ALDH5A1: variants seen among roughly 807,000 people sequenced by gnomAD.
ALDH5A1 encodes succinate-semialdehyde dehydrogenase, mitochondrial.
ALDH5A1 carries 33 observed loss-of-function variants against 54.7 expected under a neutral mutation model. That is an observed-to-expected ratio of 0.60 (90% CI 0.46 to 0.81). The LOEUF (loss-of-function observed/expected upper bound fraction) is 0.81, where lower values mean the gene tolerates loss of function less well. Among genes scored for constraint, ALDH5A1 ranks in the 30% least tolerant of loss-of-function variants. ALDH5A1 has a pLI of 0.00. For synonymous variants in ALDH5A1, 294 were observed against 292.7 expected (o/e 1.00, Z -0.05); for missense variants, 657 against 711.0 (o/e 0.92, Z 0.86).
rs1161265396 is a variant in ALDH5A1 at position 24,535,063 on chromosome 6, T to G, written c.*1351T>G. ...AATCTTAAACAGATGCAAATCCAATTAGGCGGCCAAGTAGGTGGAGACGAA... is the reference window on the plus strand; with the variant it reads ...AATCTTAAACAGATGCAAATCCAATGAGGCGGCCAAGTAGGTGGAGACGAA... On this transcript the variant is annotated 3_prime_UTR_variant, in exon 10 of 10. Transcript: ENST00000357578. 6.6e-6 allele frequency: 1 copy of G among 152,218 alleles called. No homozygotes were observed. The highest frequency in any genetic ancestry group is 2.4e-5 in the African/African-American group (1 of 41,460). 9.4% of individuals were successfully genotyped at this position (152,218 alleles called of 1,614,324 possible). A position where few individuals can be genotyped will look rare whatever the true frequency, so the allele number is the denominator to read the frequency against.
At chr6:24,503,152 T>C in intron 2 of ALDH5A1, 111 bp from the exon 3 acceptor site, 1 of 1,331,516 alleles carries the variant, frequency 7.5e-7, no homozygotes, top group Non-Finnish European at 1.0e-6. Context: ...TCTATGGGTA[T>C]CGTTATAGGA....
intron 8 of ALDH5A1, among the ~76,000 whole-genome samples, chr6:24,529,670 G>GTTTTTTTTTTTTTTTTTT (rs55878931): frequency 1.2e-5 from 1 of 86,328 alleles, no homozygotes; most frequent in Non-Finnish European, 2.1e-5. Flanking sequence ...TTTGGTTTGG[G>GTTTTTTTTTTTTTTTTTT]TTTTTTTTTT....
rs561596822 is a variant in ALDH5A1 at position 24,507,795 on chromosome 6, A to G, written c.726+2810A>G. On this transcript the variant is annotated intron_variant, in intron 4 of 9. Transcript: ENST00000357578. ...ATTTTATTTTTATTTTTTAATTTTTATTTCCATAGGTTATTGGGGAACAGG... is the reference window on the plus strand; with the variant it reads ...ATTTTATTTTTATTTTTTAATTTTTGTTTCCATAGGTTATTGGGGAACAGG... 2.6e-4 allele frequency among the ~76,000 whole-genome samples: 39 copies of G among 151,710 alleles called. No individual in the cohort carries two copies. In the South Asian group the frequency reaches 7.1e-3, roughly 27 times the overall value.
intron 4 of ALDH5A1, among the ~76,000 whole-genome samples, chr6:24,510,040 C>T (rs1374256746): frequency 1.3e-5 from 2 of 152,040 alleles, no homozygotes; most frequent in African/African-American, 4.8e-5. Context: ...TTTTAATTTC[C>T]ATCTTGATTC....
In ALDH5A1 at chr6:24,535,422, A is replaced by G. The variant is rs1387719815; in HGVS notation, c.*1710A>G. Reference sequence around the variant, plus strand: ...AGAATCACATACTCAGCATTTTGACAGTTAATGTCTTCTCTTTATTTGTGT... The same window carrying G: ...AGAATCACATACTCAGCATTTTGACGGTTAATGTCTTCTCTTTATTTGTGT... On this transcript the variant is annotated 3_prime_UTR_variant, in exon 10 of 10. Transcript: ENST00000357578. The G allele has an allele frequency of 6.6e-6, 1 of 152,206 alleles. No homozygotes were observed. The highest frequency in any genetic ancestry group is 2.4e-5 in the African/African-American group (1 of 41,452). 9.4% of individuals were successfully genotyped at this position (152,206 alleles called of 1,614,324 possible). A position where few individuals can be genotyped will look rare whatever the true frequency, so the allele number is the denominator to read the frequency against.
At chr6:24,531,996 G>A (rs1028054415) in intron 8 of ALDH5A1, 123 bp from the exon 9 acceptor site, 9 of 877,448 alleles carry the variant, frequency 1.0e-5, no homozygotes, top group Non-Finnish European at 1.7e-5. Flanking sequence ...TCTGCTCTTG[G>A]ATCTCTTTGC....
intron 8 of ALDH5A1, among the ~76,000 whole-genome samples, chr6:24,530,735 C>T (rs529984599): frequency 3.3e-5 from 5 of 152,356 alleles, no homozygotes; most frequent in African/African-American, 1.2e-4. Flanking sequence ...TTGCCATTGC[C>T]TACACTTGTT....
Position 24,528,014 on chromosome 6 carries a change from T to G in ALDH5A1, c.1191T>G (p.Asn397Lys), listed in dbSNP as rs923140210. Residue 397 changes from asparagine (N) to lysine (K), a missense_variant, in exon 8 of 10, where the codon AAT becomes AAG. Asn to Lys is a moderately conservative substitution (Grantham distance 94). Transcript: ENST00000357578. Reference sequence around the variant, plus strand: ...TTACACAGGTGGAGAAACAGGTGAATGATGCCGTTTCTAAAGGTGCCACCG... The same window carrying G: ...TTACACAGGTGGAGAAACAGGTGAAGGATGCCGTTTCTAAAGGTGCCACCG... ...KAVEKVEKQVNDAVSKGATVV... is the reference protein window; with the variant it reads ...KAVEKVEKQVKDAVSKGATVV... The G allele has an allele frequency of 9.3e-6, 15 of 1,614,016 alleles. No homozygotes were observed. The highest frequency in any genetic ancestry group is 1.2e-5 in the Non-Finnish European group (14 of 1,179,976).
intron 1 of ALDH5A1, among the ~76,000 whole-genome samples, chr6:24,497,341 T>C (rs1478658685): frequency 6.8e-6 from 1 of 147,194 alleles, no homozygotes; most frequent in Non-Finnish European, 1.5e-5. Flanking sequence ...GAGCGCTGAT[T>C]GGTGCATTTT....
rs548353183 is a variant in ALDH5A1 at position 24,525,608 on chromosome 6, G to A, written c.1174-2389G>A. On this transcript the variant is annotated intron_variant, in intron 7 of 9. Transcript: ENST00000357578. ...CTGTAGTCCCAGCTACTCAGGAGGC[G>A]GGGGCAAGAGAATCTCTTGAACCCA... Among the ~76,000 whole-genome samples, 33 of 152,046 alleles carry A rather than the reference G, an allele frequency of 2.2e-4. 1 individual carries two copies. Among genetic ancestry groups the A allele is most frequent in the African/African-American group, 7.0e-4 (29 of 41,472 alleles).
chr6:24,521,317 C>T (rs370212422), intron 6 of ALDH5A1, among the ~76,000 whole-genome samples: 245 of 152,364 alleles, frequency 1.6e-3, no homozygotes, highest in African/African-American at 5.5e-3. Context: ...GGAAATGAAA[C>T]TCTAGAAAGA....
Position 24,533,915 on chromosome 6 carries a change from G to C in ALDH5A1, c.*203G>C. ...GACCAATATGTGCCACGTGCCTGTGGCTGCAGACTCCCAGAGAACCAGCAC... is the reference window on the plus strand; with the variant it reads ...GACCAATATGTGCCACGTGCCTGTGCCTGCAGACTCCCAGAGAACCAGCAC... On this transcript the variant is annotated 3_prime_UTR_variant, in exon 10 of 10. Transcript: ENST00000357578. 1 of 544,726 alleles carries C rather than the reference G, an allele frequency of 1.8e-6. No individual in the cohort carries two copies. The highest frequency in any genetic ancestry group is 2.1e-5 in the South Asian group (1 of 48,458). 33.7% of individuals were successfully genotyped at this position (544,726 alleles called of 1,614,324 possible). A position where few individuals can be genotyped will look rare whatever the true frequency, so the allele number is the denominator to read the frequency against.
intron 4 of ALDH5A1, among the ~76,000 whole-genome samples, chr6:24,514,541 C>T (rs1464714807): frequency 6.6e-6 from 1 of 152,072 alleles, no homozygotes; most frequent in Non-Finnish European, 1.5e-5. Flanking sequence ...GAGTTCGAGA[C>T]CAGCCTGGCT....
chr6:24,515,102 C>CTCTT, intron 4 of ALDH5A1, 65 bp from the exon 5 acceptor site: 1 of 927,262 alleles, frequency 1.1e-6, no homozygotes, highest in Non-Finnish European at 1.5e-6. Flanking sequence ...TTTCTCTTTT[C>CTCTT]TTTTTTTTTT....
chr6:24,533,645 G>A lies in ALDH5A1; in HGVS notation c.1541G>A (p.Arg514Gln), dbSNP rs1232923691. Residue 514 changes from arginine to glutamine, a missense_variant, in exon 10 of 10, where the codon CGA (arginine) becomes CAA (glutamine). Physicochemically the swap from Arg to Gln is conservative, Grantham distance 43 (BLOSUM62 1). Transcript: ENST00000357578. The stretch of plus-strand genomic sequence containing the variant: ...GGAGTGAAGCAGTCCGGCCTTGGGC[G>A]AGAGGGGTCCAAGTATGGCATTGAT... ...FGGVKQSGLGREGSKYGIDEY... is the reference protein window; with the variant it reads ...FGGVKQSGLGQEGSKYGIDEY... The A allele has an allele frequency of 1.7e-5, 27 of 1,614,012 alleles. No individual in the cohort carries two copies. Among genetic ancestry groups the A allele is most frequent in the East Asian group, 2.2e-5 (1 of 44,892 alleles).
chr6:24,507,431 CT>C (rs4646840), intron 4 of ALDH5A1, among the ~76,000 whole-genome samples: 3 of 148,274 alleles, frequency 2.0e-5, no homozygotes, highest in Non-Finnish European at 1.5e-5. Context: ...TATAAGTCAA[CT>C]TTTTTTTTTA....
At chr6:24,497,693 C>T (rs896418361) in intron 1 of ALDH5A1, among the ~76,000 whole-genome samples, 6 of 152,068 alleles carry the variant, frequency 3.9e-5, no homozygotes, top group Non-Finnish European at 5.9e-5. Context: ...CAAGGAGGCC[C>T]GTGTGGACTG....
chr6:24,497,697 T>G (rs1025831614), intron 1 of ALDH5A1, among the ~76,000 whole-genome samples: 1 of 152,162 alleles, frequency 6.6e-6, no homozygotes, highest in Admixed American at 6.6e-5. Context: ...GAGGCCCGTG[T>G]GGACTGAGCA....
At chr6:24,522,673 T>C in intron 6 of ALDH5A1, 94 bp from the exon 7 acceptor site, 1 of 1,448,178 alleles carries the variant, frequency 6.9e-7, no homozygotes, top group Non-Finnish European at 9.7e-7. Context: ...CCGAGGGAAG[T>C]GTTTTCACAG....
Sources: allele counts gnomAD v4.1 joint callset (sites outside exome capture counted in the v4.1 genomes callset), GRCh38; gene constraint gnomAD v4.1.1; transcripts MANE v1.5; gene names NCBI Gene and HGNC (gene_info 2026-07-23, HGNC 2026-07-21).